The following RSRC1 variants were observed in gnomAD, a reference collection of about 807,000 sequenced individuals.
The protein encoded by RSRC1 is serine/Arginine-related protein 53.
Under a neutral mutation model 49.1 loss-of-function variants are expected in RSRC1, and 39 were observed. That is an observed-to-expected ratio of 0.79 (90% CI 0.61 to 1.04). RSRC1 has a LOEUF of 1.04. RSRC1 is among the 50% of genes least tolerant of loss of function. RSRC1 has a pLI of 0.00. For missense variants in RSRC1, 388 were observed against 402.4 expected (o/e 0.96, Z 0.31); for synonymous variants, 143 against 130.8 (o/e 1.09, Z -0.63).
intron 3 of RSRC1, among the ~76,000 whole-genome samples, chr3:158,160,280 A>T (rs888668959): frequency 2.6e-5 from 4 of 152,188 alleles, no homozygotes; most frequent in Non-Finnish European, 1.5e-5. Context: ...TAAAAATTTT[A>T]AAATAAATTT....
intron 4 of RSRC1, among the ~76,000 whole-genome samples, chr3:158,240,559 C>G (rs1009591856): frequency 4.6e-5 from 7 of 152,052 alleles, no homozygotes; most frequent in African/African-American, 1.7e-4. Flanking sequence ...AACAATCTTC[C>G]TGGGTGAGAT....
intron 5 of RSRC1, among the ~76,000 whole-genome samples, chr3:158,352,026 T>C (rs951589900): frequency 2.6e-5 from 4 of 151,364 alleles, no homozygotes; most frequent in African/African-American, 9.7e-5. Context: ...TCCTAGCTCT[T>C]TGGGAGGCCT....
chr3:158,306,796 C>A (rs886381517), intron 5 of RSRC1, among the ~76,000 whole-genome samples: 1 of 151,842 alleles, frequency 6.6e-6, no homozygotes, highest in South Asian at 2.1e-4. Context: ...GTGACTATAT[C>A]ATATCATCGT....
chr3:158,280,476 G>C (rs1039215778), intron 4 of RSRC1, among the ~76,000 whole-genome samples: 1 of 151,928 alleles, frequency 6.6e-6, no homozygotes, highest in Non-Finnish European at 1.5e-5. Flanking sequence ...GTTCATAATT[G>C]TATCCATAAT....
chr3:158,173,698 T>C (rs888091834), intron 3 of RSRC1, among the ~76,000 whole-genome samples: 2 of 151,826 alleles, frequency 1.3e-5, no homozygotes, highest in Non-Finnish European at 2.9e-5. Flanking sequence ...AGCCTAAAGG[T>C]GGAAACAAAT....
At chr3:158,311,329 T>A (rs917262816) in intron 5 of RSRC1, among the ~76,000 whole-genome samples, 2 of 151,974 alleles carry the variant, frequency 1.3e-5, no homozygotes, top group Non-Finnish European at 2.9e-5. Context: ...ATTTTTTTCA[T>A]TTATTGGATG....
At chr3:158,260,346 A>C (rs1559966127) in intron 4 of RSRC1, among the ~76,000 whole-genome samples, 2 of 152,072 alleles carry the variant, frequency 1.3e-5, no homozygotes, top group Admixed American at 1.3e-4. Flanking sequence ...GTATGTCTAG[A>C]AATGTCATCT....
chr3:158,247,040 A>G (rs1033194087), intron 4 of RSRC1, among the ~76,000 whole-genome samples: 10 of 149,912 alleles, frequency 6.7e-5, no homozygotes, highest in African/African-American at 2.0e-4. Flanking sequence ...CAGTCTCTTT[A>G]CATAATCTTG....
chr3:158,425,113 T>C (rs1735332910), intron 6 of RSRC1, among the ~76,000 whole-genome samples: 2 of 151,818 alleles, frequency 1.3e-5, no homozygotes, highest in African/African-American at 4.8e-5. Context: ...ATTTCTTGCC[T>C]TCTGCTAGCT....
chr3:158,190,023 A>G (rs988439405), intron 3 of RSRC1, among the ~76,000 whole-genome samples: 4 of 151,676 alleles, frequency 2.6e-5, no homozygotes, highest in African/African-American at 7.3e-5. Flanking sequence ...GCTGGAGTAC[A>G]TGGCCAATGG....
intron 3 of RSRC1, among the ~76,000 whole-genome samples, chr3:158,159,547 C>G (rs908324733): frequency 2.0e-5 from 3 of 152,118 alleles, no homozygotes; most frequent in African/African-American, 4.8e-5. Flanking sequence ...GTATCACATT[C>G]AAGCCCTGAA....
At chr3:158,157,199 TAATA>T (rs1241218741) in intron 3 of RSRC1, among the ~76,000 whole-genome samples, 2 of 152,186 alleles carry the variant, frequency 1.3e-5, no homozygotes, top group Non-Finnish European at 2.9e-5. Context: ...TGAATTAAAA[TAATA>T]ATAGTAACAA....
intron 7 of RSRC1, among the ~76,000 whole-genome samples, chr3:158,512,768 G>C (rs1293146922): frequency 2.6e-5 from 4 of 151,098 alleles, no homozygotes; most frequent in East Asian, 1.9e-4. Context: ...TCTTCCATTT[G>C]TTTGTATCCT....
At chr3:158,453,793 TTA>T (rs1207525712) in intron 6 of RSRC1, among the ~76,000 whole-genome samples, 1 of 152,144 alleles carries the variant, frequency 6.6e-6, no homozygotes, top group Non-Finnish European at 1.5e-5. Flanking sequence ...TTTTAAATGT[TTA>T]TGTTTGTGTG....
intron 5 of RSRC1, among the ~76,000 whole-genome samples, chr3:158,334,748 T>C (rs1047931430): frequency 3.3e-5 from 5 of 151,416 alleles, no homozygotes; most frequent in African/African-American, 1.2e-4. Flanking sequence ...CTCGATCTCC[T>C]GACCTCGTGA....
At chr3:158,238,687 C>T (rs907762655) in intron 4 of RSRC1, among the ~76,000 whole-genome samples, 1 of 152,120 alleles carries the variant, frequency 6.6e-6, no homozygotes, top group Non-Finnish European at 1.5e-5. Context: ...AAACTGGTTC[C>T]CTTCCTTACA....
intron 3 of RSRC1, among the ~76,000 whole-genome samples, chr3:158,159,493 G>A (rs1415069681): frequency 6.6e-6 from 1 of 152,244 alleles, no homozygotes; most frequent in Non-Finnish European, 1.5e-5. Context: ...CTTTGTGGGA[G>A]TTATGATTTA....
chr3:158,518,848 T>G (rs1711510824), intron 7 of RSRC1, among the ~76,000 whole-genome samples: 1 of 152,158 alleles, frequency 6.6e-6, no homozygotes, highest in Non-Finnish European at 1.5e-5. Context: ...TTCTGTCTCC[T>G]TTTCTTCTTC....
chr3:158,332,785 A>AT (rs36063625), intron 5 of RSRC1, among the ~76,000 whole-genome samples: 32,976 of 151,314 alleles, frequency 0.22, 4,164 homozygotes, highest in South Asian at 0.29. Flanking sequence ...ATTATTTTGA[A>AT]TTTTTTTTTC....
Sources: allele counts gnomAD v4.1 joint callset (sites outside exome capture counted in the v4.1 genomes callset), GRCh38; gene constraint gnomAD v4.1.1; transcripts MANE v1.5; gene names NCBI Gene and HGNC (gene_info 2026-07-23, HGNC 2026-07-21).